The following GMDS variants were observed in gnomAD, a reference collection of about 807,000 sequenced individuals.
GMDS encodes the protein GDP-mannose 4,6 dehydratase.
A neutral mutation model predicts 49.9 loss-of-function variants in GMDS; 20 were observed. That is an observed-to-expected ratio of 0.40 (90% confidence interval 0.28 to 0.58). The LOEUF (loss-of-function observed/expected upper bound fraction) is 0.58, where lower values mean the gene tolerates loss of function less well. GMDS is among the 20% of genes least tolerant of loss of function. The pLI, the probability that GMDS is intolerant of heterozygous loss-of-function variation, is 0.42. For synonymous variants in GMDS, 177 were observed against 178.6 expected, an observed-to-expected ratio of 0.99 and a Z score of 0.07; for missense variants, 362 against 481.4, an observed-to-expected ratio of 0.75 and a Z score of 2.32.
chr6:2,103,311 GGTT>G (rs1439534145), intron 4 of GMDS, among the ~76,000 whole-genome samples: 1 of 152,094 alleles, frequency 6.6e-6, no homozygotes. Flanking sequence ...TGAGGGAAGG[GGTT>G]GTTAAGATAT....
At chr6:2,148,004 G>C (rs1043234747) in intron 1 of GMDS, among the ~76,000 whole-genome samples, 3 of 151,852 alleles carry the variant, frequency 2.0e-5, no homozygotes, top group Non-Finnish European at 2.9e-5. Flanking sequence ...CCTCTAAAAA[G>C]GTTGTTGTAT....
At chr6:2,048,845 GT>G (rs1312198453) in intron 4 of GMDS, among the ~76,000 whole-genome samples, 4 of 152,110 alleles carry the variant, frequency 2.6e-5, no homozygotes, top group Non-Finnish European at 5.9e-5. Context: ...TTTATCCACT[GT>G]ATTGACTTTG....
chr6:1,881,352 G>A (rs1186738431), intron 7 of GMDS, among the ~76,000 whole-genome samples: 1 of 152,128 alleles, frequency 6.6e-6, no homozygotes, highest in Non-Finnish European at 1.5e-5. Context: ...CAAGCTTGAA[G>A]AATCTAACTT....
chr6:1,848,551 T>G (rs1434190670), intron 7 of GMDS, among the ~76,000 whole-genome samples: 1 of 152,216 alleles, frequency 6.6e-6, no homozygotes, highest in Admixed American at 6.5e-5. Context: ...GGTTTTCTTG[T>G]TTTGTTTTGT....
intron 7 of GMDS, among the ~76,000 whole-genome samples, chr6:1,792,217 C>A (rs1401886226): frequency 6.6e-6 from 1 of 151,854 alleles, no homozygotes; most frequent in African/African-American, 2.4e-5. Context: ...AAACCCATCC[C>A]CTTTCCCCAC....
intron 7 of GMDS, among the ~76,000 whole-genome samples, chr6:1,907,899 C>A (rs1437593392): frequency 1.3e-5 from 2 of 152,180 alleles, no homozygotes; most frequent in African/African-American, 4.8e-5. Context: ...TTGCAAATAC[C>A]AAACCGTACA....
At chr6:1,999,771 G>C (rs1190937292) in intron 4 of GMDS, among the ~76,000 whole-genome samples, 1 of 147,068 alleles carries the variant, frequency 6.8e-6, no homozygotes. Context: ...TCCCAATTTT[G>C]CTAGATGATA....
In GMDS at chr6:1,655,660, C is replaced by G. The variant is rs187336771; in HGVS notation, c.988-31120G>C. Among the ~76,000 whole-genome samples the G allele has an allele frequency of 2.5e-4, 38 of 152,268 alleles. 1 individual carries two copies. In the East Asian group the frequency reaches 6.2e-3, roughly 25 times the overall value. ...CTGGGATTACAGGCGCCAGCCACCA[C>G]GCCTTGCTAATCTTTTGTACTTTCA... On this transcript the variant is annotated intron_variant, in intron 9 of 10. Transcript: ENST00000380815.
chr6:1,995,044 G>A (rs971551166), intron 4 of GMDS, among the ~76,000 whole-genome samples: 2 of 152,046 alleles, frequency 1.3e-5, no homozygotes, highest in Non-Finnish European at 2.9e-5. Flanking sequence ...CAACACAGAG[G>A]CAGTAACCTT....
chr6:2,038,271 G>T (rs1488181271), intron 4 of GMDS, among the ~76,000 whole-genome samples: 5 of 152,126 alleles, frequency 3.3e-5, no homozygotes, highest in Non-Finnish European at 4.4e-5. Context: ...CTGCGAACTG[G>T]GACAGCTAGC....
At chr6:2,080,024 C>T (rs746529541) in intron 4 of GMDS, among the ~76,000 whole-genome samples, 6 of 152,122 alleles carry the variant, frequency 3.9e-5, no homozygotes, top group Non-Finnish European at 8.8e-5. Context: ...TTATTTCTGT[C>T]TGATTAGGTT....
intron 7 of GMDS, among the ~76,000 whole-genome samples, chr6:1,843,101 C>A (rs1450455377): frequency 1.6e-5 from 1 of 61,028 alleles, no homozygotes; most frequent in Non-Finnish European, 3.9e-5. Context: ...CAGAGTAAGA[C>A]CCTGCATCAA....
chr6:1,934,872 G>A (rs1762451170), intron 6 of GMDS, among the ~76,000 whole-genome samples: 1 of 152,166 alleles, frequency 6.6e-6, no homozygotes, highest in Admixed American at 6.5e-5. Flanking sequence ...GGTGAAGAAA[G>A]AGAAACGCAC....
chr6:1,724,378 C>T (rs937960919), intron 9 of GMDS, among the ~76,000 whole-genome samples: 3 of 152,076 alleles, frequency 2.0e-5, no homozygotes, highest in Admixed American at 1.3e-4. Context: ...GGGGTCGATG[C>T]GGATTCAAGA....
At chr6:1,840,783 A>C (rs1257972390) in intron 7 of GMDS, among the ~76,000 whole-genome samples, 1 of 152,224 alleles carries the variant, frequency 6.6e-6, no homozygotes, top group African/African-American at 2.4e-5. Context: ...GACTTAAAAA[A>C]AGGAAAAATT....
intron 7 of GMDS, among the ~76,000 whole-genome samples, chr6:1,881,464 G>GT (rs1357606236): frequency 1.3e-5 from 2 of 152,158 alleles, no homozygotes; most frequent in Admixed American, 6.5e-5. Flanking sequence ...CTGAATATAG[G>GT]TTTAAGGATT....
At chr6:2,098,647 C>T (rs895760885) in intron 4 of GMDS, among the ~76,000 whole-genome samples, 2 of 152,040 alleles carry the variant, frequency 1.3e-5, no homozygotes, top group African/African-American at 4.8e-5. Flanking sequence ...TATAAAAGCT[C>T]GGAGTAAACC....
chr6:2,210,781 A>T (rs983539882), intron 1 of GMDS, among the ~76,000 whole-genome samples: 1 of 152,168 alleles, frequency 6.6e-6, no homozygotes, highest in East Asian at 1.9e-4. Context: ...CATCCCTTTC[A>T]CGGCACTTAG....
chr6:1,732,616 C>T (rs1307906621), intron 8 of GMDS, among the ~76,000 whole-genome samples: 3 of 152,114 alleles, frequency 2.0e-5, no homozygotes. Flanking sequence ...TAATACAGTA[C>T]AATAGAATTT....
Sources: gnomAD v4.1 joint callset for allele counts (sites outside exome capture counted in the v4.1 genomes callset) on GRCh38, gnomAD v4.1.1 for gene constraint, MANE v1.5 for transcripts, NCBI Gene and HGNC (gene_info 2026-07-23, HGNC 2026-07-21) for gene names.